Variants in TIAM1 observed in about 807,000 individuals in gnomAD.
TIAM1 encodes the protein rho guanine nucleotide exchange factor TIAM1.
Under a neutral mutation model 163.5 loss-of-function variants are expected in TIAM1, and 65 were observed. The ratio of observed to expected loss-of-function variants is 0.40; its 90% confidence interval spans 0.33 to 0.49. TIAM1 has a LOEUF of 0.49. TIAM1 is among the 20% of genes least tolerant of loss of function. The pLI, the probability that TIAM1 is intolerant of heterozygous loss-of-function variation, is 0.77. For missense variants in TIAM1, 1,789 were observed against 2,044.7 expected, an observed-to-expected ratio of 0.87 and a Z score of 2.41; for synonymous variants, 833 against 810.1, an observed-to-expected ratio of 1.03 and a Z score of -0.48.
intron 2 of TIAM1, among the ~76,000 whole-genome samples, chr21:31,393,313 AAC>A: frequency 6.6e-6 from 1 of 152,316 alleles, no homozygotes; most frequent in South Asian, 2.1e-4. Flanking sequence ...AAAACCGATT[AAC>A]ACAGTACTTT....
chr21:31,503,503 AAG>A (rs1429118927), intron 1 of TIAM1, among the ~76,000 whole-genome samples: 1 of 121,500 alleles, frequency 8.2e-6, no homozygotes, highest in South Asian at 3.7e-4. Flanking sequence ...GAGAAAGAGA[AAG>A]AGAAAAAAAG....
At chr21:31,193,623 G>C (rs550309489) in intron 13 of TIAM1, among the ~76,000 whole-genome samples, 1 of 152,274 alleles carries the variant, frequency 6.6e-6, no homozygotes, top group Admixed American at 6.5e-5. Flanking sequence ...TGATACAGGA[G>C]TTAAGATGAA....
At chr21:31,425,977 C>T (rs2043780904) in intron 2 of TIAM1, among the ~76,000 whole-genome samples, 1 of 152,132 alleles carries the variant, frequency 6.6e-6, no homozygotes, top group Non-Finnish European at 1.5e-5. Context: ...AGGTGATCCA[C>T]CTGCCTGGGC....
At chr21:31,136,490 G>A (rs935776154) in intron 22 of TIAM1, among the ~76,000 whole-genome samples, 15 of 150,664 alleles carry the variant, frequency 1.0e-4, no homozygotes, top group African/African-American at 2.2e-4. Context: ...AAATTTTAAC[G>A]AAAAAAAAAA....
intron 2 of TIAM1, among the ~76,000 whole-genome samples, chr21:31,405,822 A>AGCG (rs1408452877): frequency 1.3e-5 from 2 of 152,186 alleles, no homozygotes; most frequent in African/African-American, 2.4e-5. Context: ...GGCGACACAG[A>AGCG]GCCAAACCAT....
At chr21:31,237,647 T>C (rs2070963135) in intron 6 of TIAM1, among the ~76,000 whole-genome samples, 1 of 152,222 alleles carries the variant, frequency 6.6e-6, no homozygotes, top group South Asian at 2.1e-4. Context: ...TGAGAAAACT[T>C]TCTATGGGAA....
chr21:31,155,565 T>C (rs542449093), intron 16 of TIAM1, among the ~76,000 whole-genome samples: 30 of 152,144 alleles, frequency 2.0e-4, no homozygotes, highest in South Asian at 1.2e-3. Flanking sequence ...AGTGCAGTGG[T>C]GCGATCTCAG....
chr21:31,272,456 T>G (rs895225245), intron 3 of TIAM1, among the ~76,000 whole-genome samples: 1 of 151,622 alleles, frequency 6.6e-6, no homozygotes. Context: ...TTTTATAGAT[T>G]TATTAGGCTA....
intron 2 of TIAM1, among the ~76,000 whole-genome samples, chr21:31,409,665 C>T (rs954627613): frequency 3.3e-5 from 5 of 152,184 alleles, no homozygotes; most frequent in African/African-American, 1.2e-4. Flanking sequence ...GCAGCCATGG[C>T]TTGTCCCCCA....
At chr21:31,371,470 G>A (rs1266827595) in intron 2 of TIAM1, among the ~76,000 whole-genome samples, 1 of 152,170 alleles carries the variant, frequency 6.6e-6, no homozygotes, top group Non-Finnish European at 1.5e-5. Flanking sequence ...AATGTAAGAT[G>A]GAGTGCTGAC....
At chr21:31,292,816 G>A (rs143394621) in intron 2 of TIAM1, among the ~76,000 whole-genome samples, 3,227 of 151,836 alleles carry the variant, frequency 0.021, 108 homozygotes, top group African/African-American at 0.072. Flanking sequence ...TGACAGGTGC[G>A]CACCACCACG....
At chr21:31,380,221 G>A (rs147224698) in intron 2 of TIAM1, among the ~76,000 whole-genome samples, 119 of 152,226 alleles carry the variant, frequency 7.8e-4, no homozygotes, top group African/African-American at 2.6e-3. Context: ...GCACGCCACC[G>A]CACTCTAGCC....
chr21:31,181,338 A>G (rs542258841), intron 15 of TIAM1, among the ~76,000 whole-genome samples: 36 of 152,268 alleles, frequency 2.4e-4, no homozygotes, highest in East Asian at 2.1e-3. Flanking sequence ...TAAGAATCGC[A>G]TGATCTAATG....
intron 25 of TIAM1, among the ~76,000 whole-genome samples, chr21:31,127,980 T>C (rs1040942519): frequency 1.3e-5 from 2 of 152,160 alleles, no homozygotes; most frequent in Non-Finnish European, 2.9e-5. Flanking sequence ...CAGAAAATGG[T>C]ATATCAAGAA....
At chr21:31,235,427 A>G (rs1215036981) in intron 6 of TIAM1, among the ~76,000 whole-genome samples, 1 of 152,262 alleles carries the variant, frequency 6.6e-6, no homozygotes, top group Admixed American at 6.5e-5. Context: ...TCATATACCT[A>G]TATGGGAAGA....
intron 5 of TIAM1, 51 bp downstream of exon 5, chr21:31,251,691 G>A: frequency 1.3e-6 from 2 of 1,501,420 alleles, no homozygotes; most frequent in Non-Finnish European, 1.8e-6. Context: ...TGCACAACGG[G>A]GCACCTCTAT....
chr21:31,137,883 CGA>C (rs893789957), intron 22 of TIAM1, among the ~76,000 whole-genome samples: 3 of 149,514 alleles, frequency 2.0e-5, no homozygotes, highest in African/African-American at 7.4e-5. Context: ...AAGCCACATA[CGA>C]GATAAATATC....
chr21:31,528,074 C>T (rs1388002259), intron 1 of TIAM1, among the ~76,000 whole-genome samples: 1 of 152,160 alleles, frequency 6.6e-6, no homozygotes, highest in African/African-American at 2.4e-5. Context: ...GATGAGACTT[C>T]AGTGTTTAAA....
chr21:31,456,771 T>G (rs900164221), intron 2 of TIAM1, among the ~76,000 whole-genome samples: 4 of 152,132 alleles, frequency 2.6e-5, no homozygotes, highest in Non-Finnish European at 4.4e-5. Context: ...CATTAATACC[T>G]CAACACTTAT....
Sources: gnomAD v4.1 joint callset for allele counts (sites outside exome capture counted in the v4.1 genomes callset) on GRCh38, gnomAD v4.1.1 for gene constraint, MANE v1.5 for transcripts, NCBI Gene and HGNC (gene_info 2026-07-23, HGNC 2026-07-21) for gene names.